Variants in BCL2 observed in about 807,000 individuals in gnomAD.
The protein encoded by BCL2 is apoptosis regulator Bcl-2.
Under a neutral mutation model 14.2 loss-of-function variants are expected in BCL2, and 1 was observed. The ratio of observed to expected loss-of-function variants is 0.07; its 90% CI spans 0.02 to 0.33. The LOEUF (loss-of-function observed/expected upper bound fraction) is 0.33, where lower values mean the gene tolerates loss of function less well. Ranked by LOEUF, BCL2 falls within the 10% of genes least tolerant of loss-of-function variation. The probability of loss-of-function intolerance (pLI) is 0.99; values close to 1 mark genes in which losing one functional copy is unlikely to be tolerated. For synonymous variants in BCL2, 151 were observed against 137.2 expected (o/e 1.10, Z -0.70); for missense variants, 247 against 305.9 (o/e 0.81, Z 1.44).
At chr18:63,280,126 T>G (rs1336953338) in intron 2 of BCL2, among the ~76,000 whole-genome samples, 6 of 152,184 alleles carry the variant, frequency 3.9e-5, no homozygotes, top group African/African-American at 1.4e-4. Flanking sequence ...AATAAAAGAT[T>G]TTTTAAATGA....
intron 2 of BCL2, among the ~76,000 whole-genome samples, chr18:63,306,256 C>T (rs1240432742): frequency 6.6e-6 from 1 of 152,204 alleles, no homozygotes; most frequent in Non-Finnish European, 1.5e-5. Context: ...CCACTCTAGT[C>T]CTAATCATTG....
chr18:63,193,912 A>G (rs1161390433), intron 2 of BCL2, among the ~76,000 whole-genome samples: 3 of 152,128 alleles, frequency 2.0e-5, no homozygotes, highest in Admixed American at 1.3e-4. Context: ...TTCATCTGTA[A>G]AAAATAAAAA....
At chr18:63,144,137 A>T (rs1004084378) in intron 2 of BCL2, among the ~76,000 whole-genome samples, 1 of 152,230 alleles carries the variant, frequency 6.6e-6, no homozygotes, top group African/African-American at 2.4e-5. Context: ...CATGTTTTTC[A>T]TAGTATAATT....
intron 2 of BCL2, among the ~76,000 whole-genome samples, chr18:63,269,199 C>T (rs1784754680): frequency 6.6e-6 from 1 of 152,106 alleles, no homozygotes; most frequent in South Asian, 2.1e-4. Flanking sequence ...ATTAATCCTA[C>T]CACATCGGCC....
intron 2 of BCL2, among the ~76,000 whole-genome samples, chr18:63,190,191 C>A (rs1271351299): frequency 6.6e-6 from 1 of 152,066 alleles, no homozygotes; most frequent in Non-Finnish European, 1.5e-5. Context: ...ATCATTCTCC[C>A]TAAAAAGAAT....
chr18:63,282,708 T>C (rs776068493), intron 2 of BCL2, among the ~76,000 whole-genome samples: 4 of 152,132 alleles, frequency 2.6e-5, no homozygotes, highest in Non-Finnish European at 4.4e-5. Flanking sequence ...ATCTTTGTAA[T>C]TAGACAAAGT....
intron 2 of BCL2, among the ~76,000 whole-genome samples, chr18:63,285,350 T>TTC (rs1158462907): frequency 3.3e-5 from 5 of 152,174 alleles, no homozygotes; most frequent in Non-Finnish European, 7.3e-5. Context: ...CCTTGCTACC[T>TTC]TCTCTCTCTG....
chr18:63,247,649 G>A (rs1387733426), intron 2 of BCL2, among the ~76,000 whole-genome samples: 1 of 152,086 alleles, frequency 6.6e-6, no homozygotes, highest in Non-Finnish European at 1.5e-5. Flanking sequence ...TCCCTGTTGC[G>A]GCTGGTGGAG....
chr18:63,176,427 G>A (rs886696764), intron 2 of BCL2, among the ~76,000 whole-genome samples: 15 of 152,218 alleles, frequency 9.9e-5, no homozygotes, highest in Admixed American at 3.9e-4. Flanking sequence ...TGCCTAGACC[G>A]TGTCAGGCAC....
At chr18:63,212,136 G>A (rs934075369) in intron 2 of BCL2, among the ~76,000 whole-genome samples, 1 of 151,762 alleles carries the variant, frequency 6.6e-6, no homozygotes, top group Non-Finnish European at 1.5e-5. Context: ...GACCATCCTG[G>A]CCAACATGGT....
At chr18:63,141,746 C>T (rs1239855436) in intron 2 of BCL2, among the ~76,000 whole-genome samples, 4 of 152,248 alleles carry the variant, frequency 2.6e-5, no homozygotes, top group African/African-American at 9.6e-5. Flanking sequence ...CCTCCCCACC[C>T]CACGCCACTG....
intron 2 of BCL2, among the ~76,000 whole-genome samples, chr18:63,191,152 G>A (rs1175380289): frequency 2.0e-5 from 3 of 152,164 alleles, no homozygotes; most frequent in East Asian, 3.8e-4. Context: ...GAATAGTACT[G>A]CAATAAACAT....
chr18:63,194,011 A>G (rs1325365516), intron 2 of BCL2, among the ~76,000 whole-genome samples: 2 of 152,228 alleles, frequency 1.3e-5, no homozygotes, highest in Non-Finnish European at 1.5e-5. Flanking sequence ...CTGATATTCA[A>G]TACATATGAG....
chr18:63,261,356 G>A (rs753012577), intron 2 of BCL2, among the ~76,000 whole-genome samples: 9 of 151,972 alleles, frequency 5.9e-5, no homozygotes, highest in Non-Finnish European at 1.3e-4. Context: ...TGCTCCCACT[G>A]GGAACAAGGC....
chr18:63,139,639 C>T (rs4987828), intron 2 of BCL2, among the ~76,000 whole-genome samples: 31,945 of 152,250 alleles, frequency 0.21, 3,907 homozygotes, highest in Non-Finnish European at 0.28. Flanking sequence ...CATTTTAAGG[C>T]ACACCTGAAG....
intron 2 of BCL2, among the ~76,000 whole-genome samples, chr18:63,307,797 C>T (rs1913188500): frequency 6.6e-6 from 1 of 152,114 alleles, no homozygotes; most frequent in African/African-American, 2.4e-5. Flanking sequence ...GAACATAATG[C>T]ACAGATGGCC....
At chr18:63,309,058 C>T (rs1461428933) in intron 2 of BCL2, among the ~76,000 whole-genome samples, 1 of 152,208 alleles carries the variant, frequency 6.6e-6, no homozygotes, top group African/African-American at 2.4e-5. Context: ...AGTTGAAGTA[C>T]TCATTAAGTT....
intron 2 of BCL2, among the ~76,000 whole-genome samples, chr18:63,239,284 G>A (rs1458797456): frequency 6.6e-6 from 1 of 152,216 alleles, no homozygotes; most frequent in African/African-American, 2.4e-5. Flanking sequence ...GAAGCAAAAT[G>A]GAAGGGGCCT....
intron 2 of BCL2, among the ~76,000 whole-genome samples, chr18:63,289,024 TA>T (rs988568078): frequency 3.3e-5 from 5 of 152,242 alleles, no homozygotes; most frequent in Non-Finnish European, 5.9e-5. Flanking sequence ...AGTGAACAAG[TA>T]AAGTAAGAGA....
Sources: gnomAD v4.1 joint callset for allele counts (sites outside exome capture counted in the v4.1 genomes callset) on GRCh38, gnomAD v4.1.1 for gene constraint, MANE v1.5 for transcripts, NCBI Gene and HGNC (gene_info 2026-07-23, HGNC 2026-07-21) for gene names.